PLPBP: variants seen among roughly 807,000 people sequenced by gnomAD.
The protein encoded by PLPBP is pyridoxal phosphate homeostasis protein.
PLPBP carries 21 observed loss-of-function variants against 31.2 expected under a neutral mutation model. That is an observed-to-expected ratio of 0.67 (90% CI 0.48 to 0.97). The LOEUF is 0.97. Among genes scored for constraint, PLPBP ranks in the 50% least tolerant of loss-of-function variants. PLPBP has a pLI of 0.00. For missense variants in PLPBP, 308 were observed against 354.4 expected (o/e 0.87, Z 1.05); for synonymous variants, 124 against 135.6 (o/e 0.91, Z 0.59).
Position 37,778,792 on chromosome 8 carries a change from C to G in PLPBP, c.*688C>G, listed in dbSNP as rs531509311. ...CAGCAACAGCAGGAGCCCCACCCCC[C>G]GTCTCTACAAAAAAATTTAAAAATT... On this transcript the variant is annotated 3_prime_UTR_variant, in exon 8 of 8. Transcript: ENST00000328195. 6.6e-6 allele frequency: 1 copy of G among 151,990 alleles called. No homozygotes were observed. The highest frequency in any genetic ancestry group is 2.4e-5 in the African/African-American group (1 of 41,336). 9.4% of individuals were successfully genotyped at this position (151,990 alleles called of 1,614,324 possible). A position where few individuals can be genotyped will look rare whatever the true frequency, so the allele number is the denominator to read the frequency against.
chr8:37,774,960 A>G (rs1803862154), intron 5 of PLPBP: 1 of 159,278 alleles, frequency 6.3e-6, no homozygotes, highest in Non-Finnish European at 1.4e-5. Flanking sequence ...CCATTAAATT[A>G]ATAAAACTAT....
chr8:37,762,754 C>A lies in PLPBP; in HGVS notation c.95C>A (p.Pro32Gln). 6.4e-7 allele frequency: 1 copy of A among 1,562,702 alleles called. No individual in the cohort carries two copies. Among genetic ancestry groups the A allele is most frequent in the Non-Finnish European group, 8.6e-7 (1 of 1,161,212 alleles). The change falls in exon 1 of 8, where the codon CCG becomes CAG. Residue 32 changes from proline (P) to glutamine (Q), a missense_variant. Physicochemically the swap from Pro to Gln is moderately conservative, Grantham distance 76. Coordinates refer to ENST00000328195, the MANE Select transcript of PLPBP (RefSeq NM_007198.4). ...GTGCAGCAGGCTGTGGCGCGGCGGC[C>A]GCGGGTGAGGAAGGAGGCTGCGTGG... The part of the protein sequence containing the change: ...ERVQQAVARR[P>Q]RDLPAIQPRL...
intron 5 of PLPBP, chr8:37,774,931 T>C (rs1252542010): frequency 1.3e-5 from 2 of 158,868 alleles, no homozygotes; most frequent in African/African-American, 4.8e-5. Context: ...ATGTACTTTA[T>C]ACTAAATTTT....
At chr8:37,777,495 C>CA (rs1245835159) in intron 7 of PLPBP, among the ~76,000 whole-genome samples, 1 of 152,132 alleles carries the variant, frequency 6.6e-6, no homozygotes, top group Non-Finnish European at 1.5e-5. Context: ...CCCTCAGAGG[C>CA]AATTTTACCT....
chr8:37,763,694 G>C (rs1170525742), intron 1 of PLPBP, among the ~76,000 whole-genome samples: 1 of 152,170 alleles, frequency 6.6e-6, no homozygotes, highest in Non-Finnish European at 1.5e-5. Flanking sequence ...TGGGCTGCCT[G>C]TTCGGGTAAC....
intron 7 of PLPBP, among the ~76,000 whole-genome samples, chr8:37,776,341 T>TA (rs1456024673): frequency 1.3e-5 from 2 of 151,570 alleles, no homozygotes; most frequent in Non-Finnish European, 2.9e-5. Flanking sequence ...CTGGGCGTGG[T>TA]GGCGCACGCC....
rs547394539 is a variant in PLPBP, at chr8:37,779,082, G to C, written c.*978G>C. ...TTAAAAAAAAAATTAATTTGGTAGT[G>C]AGAGCTTGTGTCACTGCCACTCTGT... On this transcript the variant is annotated 3_prime_UTR_variant, in exon 8 of 8. Transcript: ENST00000328195. The C allele has an allele frequency of 6.6e-6, 1 of 152,218 alleles. No homozygotes were observed. Among genetic ancestry groups the C allele is most frequent in the South Asian group, 2.1e-4 (1 of 4,824 alleles). The allele number at this position is 152,218 out of a possible 1,614,324, so 9.4% of individuals were successfully genotyped here.
At chr8:37,772,476 G>T (rs183470405) in intron 4 of PLPBP, among the ~76,000 whole-genome samples, 6 of 152,336 alleles carry the variant, frequency 3.9e-5, no homozygotes, top group African/African-American at 1.2e-4. Context: ...CTAGGAATCT[G>T]TCCGTTACCA....
At chr8:37,775,860 A>G (rs1803888577) in intron 6 of PLPBP, 58 bp from the exon 7 acceptor site, 1 of 1,458,828 alleles carries the variant, frequency 6.9e-7, no homozygotes, top group South Asian at 1.1e-5. Flanking sequence ...AGATTCAGAC[A>G]CTTTTGGGCA....
chr8:37,775,714 T>C (rs559531042), intron 6 of PLPBP, among the ~76,000 whole-genome samples: 7 of 152,318 alleles, frequency 4.6e-5, no homozygotes, highest in African/African-American at 1.7e-4. Context: ...TTAGAGAATA[T>C]GAGATTTCTT....
In PLPBP at chr8:37,775,486, TG is replaced by T. The variant is rs749754035; in HGVS notation, c.597+11del. 2.5e-6 allele frequency: 4 copies of T among 1,613,522 alleles called. No individual in the cohort carries two copies. The highest frequency in any genetic ancestry group is 3.4e-6 in the Non-Finnish European group (4 of 1,179,986). Reference sequence around the variant, plus strand: ...GGACCAAATCCAGACTTCCAGGTACTGGGGGGTCGGGGAGATTGCTCGTGTG... The same window carrying T: ...GGACCAAATCCAGACTTCCAGGTACTGGGGGTCGGGGAGATTGCTCGTGTG... On this transcript the variant is annotated splice_donor_region_variant and intron_variant, in intron 6 of 7. Coordinates refer to ENST00000328195, the MANE Select transcript of PLPBP (RefSeq NM_007198.4).
intron 7 of PLPBP, among the ~76,000 whole-genome samples, chr8:37,777,501 T>G (rs111971985): frequency 0.045 from 6,878 of 152,274 alleles, 548 homozygotes; most frequent in African/African-American, 0.16. Flanking sequence ...GAGGCAATTT[T>G]ACCTCTGAGG....
At position 37,762,703 on chromosome 8, in the gene PLPBP, G is replaced by A. The variant is rs151283151; in HGVS notation, c.44G>A (p.Cys15Tyr). 1.2e-4 allele frequency: 192 copies of A among 1,591,188 alleles called. No homozygotes were observed. The highest frequency in any genetic ancestry group is 3.5e-5 in the Admixed American group (2 of 56,972). The part of the protein sequence containing the change: ...GSMSAELGVG[C>Y]ALRAVNERVQ... Reference sequence around the variant, plus strand: ...ATGTCGGCCGAGCTGGGAGTCGGGTGCGCATTGCGGGCGGTGAACGAGCGC... The same window carrying A: ...ATGTCGGCCGAGCTGGGAGTCGGGTACGCATTGCGGGCGGTGAACGAGCGC... The change falls in exon 1 of 8, where the codon TGC becomes TAC. Residue 15 changes from cysteine to tyrosine, a missense_variant. This residue lies in a region of PLPBP where 120 missense variants were observed against 95.1 expected (regional missense o/e 1.26). Coordinates refer to ENST00000328195, the MANE Select transcript of PLPBP (RefSeq NM_007198.4).
chr8:37,771,641 T>C (rs1803771306), intron 4 of PLPBP, among the ~76,000 whole-genome samples: 1 of 151,678 alleles, frequency 6.6e-6, no homozygotes, highest in Non-Finnish European at 1.5e-5. Flanking sequence ...AAAGCAAAAA[T>C]GGACAAATGG....
At position 37,766,349 on chromosome 8, in the gene PLPBP, T is replaced by A; in HGVS notation, c.313T>A (p.Leu105Met). 6.2e-7 allele frequency: 1 copy of A among 1,604,798 alleles called. No homozygotes were observed. The highest frequency in any genetic ancestry group is 8.5e-7 in the Non-Finnish European group (1 of 1,173,810). Residue 105 changes from leucine (L) to methionine (M), a missense_variant, in exon 4 of 8, where the codon TTG (leucine) becomes ATG (methionine). This residue lies in a region of PLPBP where 188 missense variants were observed against 259.3 expected (regional missense o/e 0.73). Transcript: ENST00000328195. Reference sequence around the variant, plus strand: ...CCTACAGAAACAAAATGTCAACAAATTGATGGGTAAGATAAAATTAAATAT... The same window carrying A: ...CCTACAGAAACAAAATGTCAACAAAATGATGGGTAAGATAAAATTAAATAT... ...GHLQKQNVNK[L>M]MAVPNLFMLE...
intron 1 of PLPBP, among the ~76,000 whole-genome samples, chr8:37,763,984 GGTC>G (rs1284827416): frequency 1.3e-5 from 2 of 151,446 alleles, no homozygotes; most frequent in African/African-American, 4.9e-5. Context: ...TTTGTATAGT[GGTC>G]GTGAGAGGAT....
At chr8:37,772,174 T>C (rs778255149) in intron 4 of PLPBP, among the ~76,000 whole-genome samples, 21 of 152,148 alleles carry the variant, frequency 1.4e-4, no homozygotes, top group Non-Finnish European at 2.4e-4. Context: ...GTCCTGTGGA[T>C]TGCTGCAGTT....
chr8:37,767,306 A>G (rs1302734825), intron 4 of PLPBP, among the ~76,000 whole-genome samples: 1 of 152,144 alleles, frequency 6.6e-6, no homozygotes, highest in East Asian at 1.9e-4. Context: ...TATCACCCCT[A>G]AAAGTTTCCT....
Position 37,778,143 on chromosome 8 carries a change from A to G in PLPBP, c.*39A>G. ...GAGAGCACTAACTATGCACTAACCT[A>G]GATTTTCATTTCGATATTCCCTGTG... On this transcript the variant is annotated 3_prime_UTR_variant, in exon 8 of 8. Coordinates refer to ENST00000328195, the MANE Select transcript of PLPBP (RefSeq NM_007198.4). 4 of 1,601,372 alleles carry G rather than the reference A, an allele frequency of 2.5e-6. No homozygotes were observed. Among genetic ancestry groups the G allele is most frequent in the Non-Finnish European group, 2.6e-6 (3 of 1,171,574 alleles).
Sources: gnomAD v4.1 joint callset for allele counts (sites outside exome capture counted in the v4.1 genomes callset) on GRCh38, gnomAD v4.1.1 for gene constraint, gnomAD v4.1.1 regional missense constraint, MANE v1.5 for transcripts, NCBI Gene and HGNC (gene_info 2026-07-23, HGNC 2026-07-21) for gene names.